CNST: variants seen among roughly 807,000 people sequenced by gnomAD.
CNST encodes consortin, connexin sorting protein, also known as consortin.
Under a neutral mutation model 72.4 loss-of-function variants are expected in CNST, and 39 were observed. That is an observed-to-expected ratio of 0.54 (90% CI 0.42 to 0.70). The LOEUF (loss-of-function observed/expected upper bound fraction) is 0.70, where lower values mean the gene tolerates loss of function less well. Among genes scored for constraint, CNST ranks in the 30% least tolerant of loss-of-function variants. The pLI, the probability that CNST is intolerant of heterozygous loss-of-function variation, is 0.00. For missense variants in CNST, 871 were observed against 868.5 expected (o/e 1.00, Z -0.04); for synonymous variants, 332 against 320.1 (o/e 1.04, Z -0.40).
chr1:246,634,080 T>C lies in CNST; in HGVS notation c.703+70T>C. 9.3e-6 allele frequency: 9 copies of C among 970,170 alleles called. No homozygotes were observed. The South Asian group carries it at 1.2e-4, about 13-fold the overall frequency. 60.1% of individuals were successfully genotyped at this position (970,170 alleles called of 1,614,324 possible). A position where few individuals can be genotyped will look rare whatever the true frequency, so the allele number is the denominator to read the frequency against. On this transcript the variant is annotated intron_variant, in intron 5 of 10. Coordinates refer to ENST00000366513, the MANE Select transcript of CNST (RefSeq NM_152609.3). The stretch of plus-strand genomic sequence containing the variant: ...CAAGTCACTATCTACAAAATTAACA[T>C]ATTTGACCTGGTTTTATAAATCAGA...
chr1:246,633,854 A>G (rs904586902), intron 4 of CNST, 70 bp from the exon 5 acceptor site: 5 of 1,015,412 alleles, frequency 4.9e-6, no homozygotes, highest in African/African-American at 4.7e-5. Flanking sequence ...CATCTATAGG[A>G]CATTGTTCTT....
chr1:246,652,974 A>G (rs1339874901), intron 9 of CNST, among the ~76,000 whole-genome samples: 1 of 151,750 alleles, frequency 6.6e-6, no homozygotes, highest in South Asian at 2.1e-4. Flanking sequence ...ACTGCACTCC[A>G]GCCTGGGCTA....
At chr1:246,601,165 C>T (rs937162428) in intron 2 of CNST, among the ~76,000 whole-genome samples, 6 of 151,990 alleles carry the variant, frequency 3.9e-5, no homozygotes, top group African/African-American at 1.2e-4. Flanking sequence ...AAATAGCAGG[C>T]GTGGTGGCAT....
rs1013883629 is a variant in CNST, at chr1:246,566,468, C to G, written c.-247C>G. 1.4e-5 allele frequency: 6 copies of G among 438,964 alleles called. No homozygotes were observed. Among genetic ancestry groups the G allele is most frequent in the Non-Finnish European group, 2.4e-5 (6 of 246,830 alleles). The allele number at this position is 438,964 out of a possible 1,614,324, so 27.2% of individuals were successfully genotyped here. On this transcript the variant is annotated 5_prime_UTR_variant, in exon 1 of 11. Coordinates refer to ENST00000366513, the MANE Select transcript of CNST (RefSeq NM_152609.3). ...TGCTCTATGCTCCGCGGTCGCGGGC[C>G]GCCAGCCTCCAGCCGGCCAGCCGCG...
chr1:246,663,899 CG>C (rs948587991), intron 10 of CNST, among the ~76,000 whole-genome samples: 2 of 151,930 alleles, frequency 1.3e-5, no homozygotes, highest in Non-Finnish European at 2.9e-5. Flanking sequence ...TATGATTGGG[CG>C]GGAGAAAAAC....
intron 8 of CNST, 113 bp downstream of exon 8, chr1:246,642,150 T>TTTTTTTTTTTTTTTTTTTTTTTC (rs1665758466): frequency 1.7e-6 from 1 of 597,328 alleles, no homozygotes; most frequent in African/African-American, 2.1e-5. Context: ...TTTTTTTTTT[T>TTTTTTTTTTTTTTTTTTTTTTTC]TTTTGCACTT....
chr1:246,664,377 C>T (rs190882644), intron 10 of CNST, among the ~76,000 whole-genome samples: 3 of 152,098 alleles, frequency 2.0e-5, no homozygotes, highest in Non-Finnish European at 4.4e-5. Context: ...CTGAGGCCGT[C>T]CTGGTTTACA....
Position 246,574,331 on chromosome 1 carries a change from G to A in CNST, c.-52+7668G>A, listed in dbSNP as rs371945721. 4.3e-4 allele frequency among the ~76,000 whole-genome samples: 65 copies of A among 152,274 alleles called. No individual in the cohort carries two copies. In the East Asian group the frequency reaches 8.7e-3, roughly 20 times the overall value. On this transcript the variant is annotated intron_variant, in intron 1 of 10. Transcript: ENST00000366513. Reference sequence around the variant, plus strand: ...GTTGGGATTACAGGCGTGAGCCACCGCTCCCAGCCGCTCCAAAGATTTTTT... The same window carrying A: ...GTTGGGATTACAGGCGTGAGCCACCACTCCCAGCCGCTCCAAAGATTTTTT...
At chr1:246,638,558 T>C (rs7514422) in intron 6 of CNST, among the ~76,000 whole-genome samples, 7,258 of 152,220 alleles carry the variant, frequency 0.048, 553 homozygotes, top group African/African-American at 0.17. Context: ...GAATATATGT[T>C]CATTTGTTGT....
At position 246,574,203 on chromosome 1, in the gene CNST, G is replaced by A. The variant is rs1305479622; in HGVS notation, c.-52+7540G>A. ...ACTACAGGCACCCGCCACCGCGCCC[G>A]GCTAATTTTTTGTATTTTTATTAGA... On this transcript the variant is annotated intron_variant, in intron 1 of 10. Transcript: ENST00000366513. 5.9e-5 allele frequency among the ~76,000 whole-genome samples: 9 copies of A among 151,922 alleles called. No individual in the cohort carries two copies. The East Asian group carries it at 7.7e-4, about 13-fold the overall frequency.
chr1:246,571,535 G>A (rs762085267), intron 1 of CNST, among the ~76,000 whole-genome samples: 4 of 152,130 alleles, frequency 2.6e-5, no homozygotes, highest in Non-Finnish European at 4.4e-5. Flanking sequence ...CCACCCTTCC[G>A]TCTCTTAGGA....
At chr1:246,588,576 T>C in intron 1 of CNST, among the ~76,000 whole-genome samples, 1 of 152,286 alleles carries the variant, frequency 6.6e-6, no homozygotes, top group East Asian at 1.9e-4. Flanking sequence ...CATCGTCCAA[T>C]AGAAATATGT....
intron 2 of CNST, among the ~76,000 whole-genome samples, chr1:246,618,467 T>A (rs1663840024): frequency 6.6e-6 from 1 of 152,206 alleles, no homozygotes; most frequent in Non-Finnish European, 1.5e-5. Flanking sequence ...TGACAGATAA[T>A]CCTTTTGTAG....
At position 246,652,803 on chromosome 1, in the gene CNST, G is replaced by A. The variant is rs1376055315; in HGVS notation, c.1836+4766G>A. Among the ~76,000 whole-genome samples the A allele has an allele frequency of 4.0e-5, 6 of 151,186 alleles. No individual in the cohort carries two copies. In the South Asian group the frequency reaches 8.4e-4, roughly 21 times the overall value. ...GCGGATCACGAGGTCAGGAGATCGA[G>A]ACCATCCTGGCTAACACGGTGAAAC... On this transcript the variant is annotated intron_variant, in intron 9 of 10. Coordinates refer to ENST00000366513, the MANE Select transcript of CNST (RefSeq NM_152609.3).
chr1:246,641,984 A>G lies in CNST; in HGVS notation c.884A>G (p.Gln295Arg). 6.2e-7 allele frequency: 1 copy of G among 1,613,136 alleles called. No homozygotes were observed. The highest frequency in any genetic ancestry group is 1.3e-5 in the African/African-American group (1 of 74,996). The change falls in exon 8 of 11, where the codon CAG becomes CGG. Residue 295 changes from glutamine to arginine, a missense_variant. Gln to Arg is a conservative substitution (Grantham distance 43, BLOSUM62 1). Transcript: ENST00000366513. ...EKSQERKCST[Q>R]LLVSEDPKEG... The stretch of plus-strand genomic sequence containing the variant: ...TCCCAGGAAAGGAAATGCTCCACGC[A>G]GTTACTAGTGTCTGAAGATCCAAAG...
chr1:246,623,649 C>A (rs1290234095), intron 3 of CNST, among the ~76,000 whole-genome samples: 1 of 152,084 alleles, frequency 6.6e-6, no homozygotes, highest in Non-Finnish European at 1.5e-5. Flanking sequence ...GTAGTCCCAG[C>A]TACTCGAGAG....
At chr1:246,567,107 C>T (rs1367031827) in intron 1 of CNST, among the ~76,000 whole-genome samples, 1 of 149,616 alleles carries the variant, frequency 6.7e-6, no homozygotes, top group East Asian at 2.0e-4. Flanking sequence ...CCCTTCCATT[C>T]CTCTCTCTGG....
rs141796133 is a variant in CNST at position 246,641,968 on chromosome 1, A to G, written c.868A>G (p.Arg290Gly). Residue 290 changes from arginine (R) to glycine (G), a missense_variant, in exon 8 of 11, where the codon AGG becomes GGG. By Grantham distance (125) the Arg-to-Gly change is moderately radical. Transcript: ENST00000366513. ...KIAAVEKSQE[R>G]KCSTQLLVSE... ...AGCAGCTGTGGAGAAGTCCCAGGAA[A>G]GGAAATGCTCCACGCAGTTACTAGT... The G allele has an allele frequency of 1.2e-6, 2 of 1,612,312 alleles. No individual in the cohort carries two copies. Among genetic ancestry groups the G allele is most frequent in the African/African-American group, 2.7e-5 (2 of 74,828 alleles).
intron 2 of CNST, among the ~76,000 whole-genome samples, chr1:246,605,415 G>T (rs1662654663): frequency 6.6e-6 from 1 of 152,202 alleles, no homozygotes; most frequent in Non-Finnish European, 1.5e-5. Flanking sequence ...CGCCTGCAAG[G>T]CTCTAATATC....
Sources: gnomAD v4.1 joint callset for allele counts (sites outside exome capture counted in the v4.1 genomes callset) on GRCh38, gnomAD v4.1.1 for gene constraint, MANE v1.5 for transcripts, NCBI Gene and HGNC (gene_info 2026-07-23, HGNC 2026-07-21) for gene names.